Variants in TAF5 observed in about 807,000 individuals in gnomAD.
The protein encoded by TAF5 is transcription initiation factor TFIID subunit 5.
TAF5 carries 20 observed loss-of-function variants against 80.9 expected under a neutral mutation model. The ratio of observed to expected loss-of-function variants is 0.25; its 90% CI spans 0.17 to 0.36. TAF5 has a LOEUF of 0.36. Ranked by LOEUF, TAF5 falls within the 10% of genes least tolerant of loss-of-function variation. TAF5 has a pLI of 1.00. For synonymous variants in TAF5, 388 were observed against 406.4 expected (o/e 0.95, Z 0.55); for missense variants, 863 against 1,029.4 (o/e 0.84, Z 2.21).
At chr10:103,382,682 C>G (rs1166060362) in intron 6 of TAF5, among the ~76,000 whole-genome samples, 1 of 150,908 alleles carries the variant, frequency 6.6e-6, no homozygotes. Flanking sequence ...GGGTCTCACT[C>G]TGTTGCCCAG....
chr10:103,382,875 T>G (rs2093386214), intron 6 of TAF5, among the ~76,000 whole-genome samples: 1 of 152,116 alleles, frequency 6.6e-6, no homozygotes, highest in Admixed American at 6.6e-5. Context: ...CGAACTCCTC[T>G]GGGCTCAAGC....
At position 103,378,369 on chromosome 10, in the gene TAF5, G is replaced by A. The variant is rs1443315072; in HGVS notation, c.932G>A (p.Arg311His). 6 of 1,614,012 alleles carry A rather than the reference G, an allele frequency of 3.7e-6. No individual in the cohort carries two copies. The highest frequency in any genetic ancestry group is 4.2e-6 in the Non-Finnish European group (5 of 1,180,040). ...RTSKFVLRIS[R>H]DSYQLLKRHL... Reference sequence around the variant, plus strand: ...AGTAAATTTGTTCTGCGTATTTCCCGTGACTCGTACCAACTCTTGAAGAGG... The same window carrying A: ...AGTAAATTTGTTCTGCGTATTTCCCATGACTCGTACCAACTCTTGAAGAGG... Residue 311 changes from arginine to histidine, a missense_variant, in exon 3 of 11, where the codon CGT (arginine) becomes CAT (histidine). Around this residue, in one of 3 missense-constraint regions of TAF5, gnomAD observed 128 missense variants for 232.2 expected, o/e 0.55. Transcript: ENST00000369839. The surrounding 1 kb of genome is among the most constrained non-coding windows in gnomAD (Gnocchi z 4.1).
Position 103,379,924 on chromosome 10 carries a change from A to G in TAF5, c.1318A>G (p.Lys440Glu). 1 of 1,613,928 alleles carries G rather than the reference A, an allele frequency of 6.2e-7. No individual in the cohort carries two copies. ...PELKDSDKLD[K>E]IMNMKETTKR... is the part of the protein sequence containing the mutation. Reference sequence around the variant, plus strand: ...GTTGAAAGATTCAGATAAGTTGGATAAGATAATGAATATGAAAGAAACCAC... The same window carrying G: ...GTTGAAAGATTCAGATAAGTTGGATGAGATAATGAATATGAAAGAAACCAC... The change falls in exon 5 of 11, where the codon AAG becomes GAG. Residue 440 changes from lysine to glutamate, a missense_variant. By Grantham distance (56) the Lys-to-Glu change is moderately conservative. Transcript: ENST00000369839.
chr10:103,368,276 C>G lies in TAF5; in HGVS notation c.287C>G (p.Thr96Ser), dbSNP rs1003387665. 6.4e-7 allele frequency: 1 copy of G among 1,568,106 alleles called. No homozygotes were observed. Among genetic ancestry groups the G allele is most frequent in the Non-Finnish European group, 8.6e-7 (1 of 1,166,536 alleles). ...GCCGGCGCTCCGCATGACCGACAGA[C>G]TCTACTGGCCGTGCTGCAGTTCCTA... is the stretch of plus-strand genomic sequence containing the variant. ...PDAGAPHDRQ[T>S]LLAVLQFLRQ... Residue 96 changes from threonine (T) to serine (S), a missense_variant, in exon 1 of 11, where the codon ACT becomes AGT. This residue lies in a region of TAF5 where 367 missense variants were observed against 335.5 expected (regional missense o/e 1.09). Transcript: ENST00000369839.
chr10:103,387,215 G>A lies in TAF5; in HGVS notation c.1870G>A (p.Ala624Thr). 6.2e-7 allele frequency: 1 copy of A among 1,614,042 alleles called. No individual in the cohort carries two copies. Among genetic ancestry groups the A allele is most frequent in the Non-Finnish European group, 8.5e-7 (1 of 1,180,018 alleles). ...TDHYQPLRIF[A>T]GHLADVNCTR... is the part of the protein sequence containing the mutation. Reference sequence around the variant, plus strand: ...CCACTATCAGCCTTTAAGAATATTTGCCGGCCATCTTGCTGATGTGAATTG... The same window carrying A: ...CCACTATCAGCCTTTAAGAATATTTACCGGCCATCTTGCTGATGTGAATTG... The change falls in exon 9 of 11, where the codon GCC (alanine) becomes ACC (threonine). Residue 624 changes from alanine to threonine, a missense_variant. Physicochemically the swap from Ala to Thr is moderately conservative, Grantham distance 58 (BLOSUM62 0). Transcript: ENST00000369839.
At chr10:103,387,084 T>A in intron 8 of TAF5, 91 bp from the exon 9 acceptor site, 2 of 1,309,202 alleles carry the variant, frequency 1.5e-6, no homozygotes, top group South Asian at 1.6e-5. Flanking sequence ...ACTTTTTATG[T>A]GGATGTTTCT....
At chr10:103,376,889 A>C (rs2093371373) in intron 2 of TAF5, among the ~76,000 whole-genome samples, 1 of 152,152 alleles carries the variant, frequency 6.6e-6, no homozygotes, top group Non-Finnish European at 1.5e-5. Context: ...ACTCAAATAC[A>C]AAAGATTAGC....
At position 103,373,491 on chromosome 10, in the gene TAF5, C is replaced by T; in HGVS notation, c.693C>T (p.Cys231=). The change falls in exon 2 of 11, where the codon TGC becomes TGT. Residue 231 remains cysteine, a synonymous_variant. Coordinates refer to ENST00000369839, the MANE Select transcript of TAF5 (RefSeq NM_006951.5). ...LKHFIECSLD[C]HRAELSQLFY... is the part of the protein sequence containing the mutation. The stretch of plus-strand genomic sequence containing the variant: ...ACTTCATTGAATGTTCCCTGGACTG[C>T]CATCGGGCAGAGTTGTCCCAACTTT... 1 of 1,614,204 alleles carries T rather than the reference C, an allele frequency of 6.2e-7. No individual in the cohort carries two copies. Among genetic ancestry groups the T allele is most frequent in the Non-Finnish European group, 8.5e-7 (1 of 1,180,032 alleles).
chr10:103,379,119 A>G (rs1265853802), intron 3 of TAF5, among the ~76,000 whole-genome samples: 1 of 152,190 alleles, frequency 6.6e-6, no homozygotes, highest in Non-Finnish European at 1.5e-5. Context: ...AAGGCCTTCC[A>G]GGGCTGGCAT....
chr10:103,385,711 G>T (rs2093394389), intron 8 of TAF5, among the ~76,000 whole-genome samples: 1 of 151,836 alleles, frequency 6.6e-6, no homozygotes, highest in Non-Finnish European at 1.5e-5. Context: ...GATCACCTGA[G>T]GTCAAGAGTT....
chr10:103,388,353 T>A lies in TAF5; in HGVS notation c.*130T>A. On this transcript the variant is annotated 3_prime_UTR_variant, in exon 11 of 11. Transcript: ENST00000369839. ...TATATGGATCTGGAAGTATGCTGCT[T>A]GGAAAAATCTGAACAGGACAGTTCC... is the stretch of plus-strand genomic sequence containing the variant. 1 of 791,126 alleles carries A rather than the reference T, an allele frequency of 1.3e-6. No homozygotes were observed. The highest frequency in any genetic ancestry group is 2.0e-6 in the Non-Finnish European group (1 of 509,006). The allele number at this position is 791,126 out of a possible 1,614,324, so 49.0% of individuals were successfully genotyped here. A position where few individuals can be genotyped will look rare whatever the true frequency, so the allele number is the denominator to read the frequency against.
chr10:103,385,282 A>G (rs989265594), intron 7 of TAF5, 44 bp from the exon 8 acceptor site: 3 of 1,561,098 alleles, frequency 1.9e-6, no homozygotes, highest in South Asian at 1.2e-5. Context: ...CAGGTGACCA[A>G]AGGTTACTCT....
rs34851825 is a variant in TAF5, at chr10:103,386,664, AT to A, written c.1830-494del. Among the ~76,000 whole-genome samples the A allele has an allele frequency of 1.8e-3, 243 of 133,864 alleles. 1 individual carries two copies. The highest frequency in any genetic ancestry group is 2.2e-3 in the Admixed American group (29 of 13,090). 87.8% of individuals were successfully genotyped at this position (133,864 alleles called of 152,430 possible). A position where few individuals can be genotyped will look rare whatever the true frequency, so the allele number is the denominator to read the frequency against. ...TTGGGCAACAGAGCAAGACCTCAGC[AT>A]TTTTTTTTTTTTTTTTGAGACAGAG... On this transcript the variant is annotated intron_variant, in intron 8 of 10. Transcript: ENST00000369839.
At position 103,383,255 on chromosome 10, in the gene TAF5, A is replaced by G; in HGVS notation, c.1552A>G (p.Lys518Glu). 3 of 1,583,706 alleles carry G rather than the reference A, an allele frequency of 1.9e-6. No individual in the cohort carries two copies. The highest frequency in any genetic ancestry group is 2.6e-6 in the Non-Finnish European group (3 of 1,170,994). Reference protein sequence around the residue: ...KQASDLSLIDKESDDVLERIM... With the variant: ...KQASDLSLIDEESDDVLERIM... ...CATTTTAGATCTTAGTCTTATAGAC[A>G]AAGAATCAGATGATGTCTTAGAAAG... is the stretch of plus-strand genomic sequence containing the variant. The change falls in exon 7 of 11, where the codon AAA becomes GAA. Residue 518 changes from lysine (K) to glutamate (E), a missense_variant. Lys to Glu is a moderately conservative substitution (Grantham distance 56). Coordinates refer to ENST00000369839, the MANE Select transcript of TAF5 (RefSeq NM_006951.5).
chr10:103,386,589 A>C (rs971390069), intron 8 of TAF5, among the ~76,000 whole-genome samples: 1 of 152,050 alleles, frequency 6.6e-6, no homozygotes, highest in Admixed American at 6.5e-5. Flanking sequence ...AGTCCCAGCT[A>C]CTGGGGAGGC....
In TAF5 at chr10:103,378,139, T is replaced by C. The variant is rs2093373873; in HGVS notation, c.798-96T>C. The C allele has an allele frequency of 3.8e-6, 4 of 1,056,668 alleles. No individual in the cohort carries two copies. Among genetic ancestry groups the C allele is most frequent in the South Asian group, 1.6e-5 (1 of 62,110 alleles). The allele number at this position is 1,056,668 out of a possible 1,614,324, so 65.5% of individuals were successfully genotyped here. A position where few individuals can be genotyped will look rare whatever the true frequency, so the allele number is the denominator to read the frequency against. On this transcript the variant is annotated intron_variant, in intron 2 of 10. Coordinates refer to ENST00000369839, the MANE Select transcript of TAF5 (RefSeq NM_006951.5). This position sits in a 1 kb window ranked among gnomAD's most constrained non-coding sequence, Gnocchi z 4.1. ...GTTCAGGATTATTTAGACTACTACA[T>C]TGAAAATATTCTGGGATGGTTTATA...
At chr10:103,375,447 AG>A (rs1331281658) in intron 2 of TAF5, among the ~76,000 whole-genome samples, 1 of 152,174 alleles carries the variant, frequency 6.6e-6, no homozygotes, top group Non-Finnish European at 1.5e-5. Flanking sequence ...AGAAAACCCT[AG>A]AAGAGGACTT....
At chr10:103,373,697 C>A in intron 2 of TAF5, 102 bp downstream of exon 2, 1 of 868,568 alleles carries the variant, frequency 1.2e-6, no homozygotes, top group Non-Finnish European at 1.7e-6. Context: ...AAGACTGCAA[C>A]TTAAAAAGTA....
Position 103,387,352 on chromosome 10 carries a change from G to C in TAF5, c.2007G>C (p.Lys669Asn). The change falls in exon 9 of 11, where the codon AAG becomes AAC. Residue 669 changes from lysine to asparagine, a missense_variant and splice_region_variant. By Grantham distance (94) the Lys-to-Asn change is moderately conservative. Transcript: ENST00000369839. Reference protein sequence around the residue: ...GNCVRIFTGHKGPIHSLTFSP... With the variant: ...GNCVRIFTGHNGPIHSLTFSP... ...GTGTAAGGATCTTCACTGGACACAA[G>C]GTATTTTACACTCTTACTATTCCAG... 6.2e-7 allele frequency: 1 copy of C among 1,607,582 alleles called. No individual in the cohort carries two copies. The highest frequency in any genetic ancestry group is 8.5e-7 in the Non-Finnish European group (1 of 1,176,852).
Sources: allele counts gnomAD v4.1 joint callset (sites outside exome capture counted in the v4.1 genomes callset), GRCh38; gene constraint gnomAD v4.1.1; regional missense constraint gnomAD v4.1.1; non-coding constraint Gnocchi (gnomAD v3.1); transcripts MANE v1.5; gene names NCBI Gene and HGNC (gene_info 2026-07-23, HGNC 2026-07-21).